The following NREP variants were observed in gnomAD, a reference collection of about 807,000 sequenced individuals.
NREP encodes the protein neuronal regeneration related protein.
Under a neutral mutation model 8.6 loss-of-function variants are expected in NREP, and 5 were observed. The ratio of observed to expected loss-of-function variants is 0.58; its 90% CI spans 0.30 to 1.22. NREP has a LOEUF of 1.22. Among genes scored for constraint, NREP ranks in the 50% most tolerant of loss-of-function variants. The pLI, the probability that NREP is intolerant of heterozygous loss-of-function variation, is 0.07. For synonymous variants in NREP, 27 were observed against 28.0 expected, an observed-to-expected ratio of 0.96 and a Z score of 0.11; for missense variants, 86 against 82.5, an observed-to-expected ratio of 1.04 and a Z score of -0.17.
intron 2 of NREP, among the ~76,000 whole-genome samples, chr5:111,924,731 G>A (rs898992528): frequency 6.6e-6 from 1 of 152,056 alleles, no homozygotes; most frequent in Non-Finnish European, 1.5e-5. Context: ...TCTGGCTTTA[G>A]GGGATATTTT....
At chr5:111,926,424 G>C (rs928497754) in intron 2 of NREP, among the ~76,000 whole-genome samples, 1 of 152,080 alleles carries the variant, frequency 6.6e-6, no homozygotes. Flanking sequence ...TGCATCGCTT[G>C]CAGAGGTCTG....
intron 2 of NREP, among the ~76,000 whole-genome samples, chr5:111,833,584 T>C (rs1389101488): frequency 6.6e-6 from 1 of 152,164 alleles, no homozygotes; most frequent in Non-Finnish European, 1.5e-5. Flanking sequence ...TTTGTAGAGT[T>C]AGTTGGGTTT....
chr5:111,770,816 C>T (rs573497456), intron 2 of NREP, among the ~76,000 whole-genome samples: 2 of 152,004 alleles, frequency 1.3e-5, no homozygotes, highest in African/African-American at 2.4e-5. Context: ...GCCATCCACC[C>T]GCCTCAGCCT....
chr5:111,762,216 G>T (rs1476119145), upstream of NREP, among the ~76,000 whole-genome samples: 1 of 152,132 alleles, frequency 6.6e-6, no homozygotes, highest in Non-Finnish European at 1.5e-5. Context: ...GATGATTCTA[G>T]ATTCTGGCTT....
intron 2 of NREP, among the ~76,000 whole-genome samples, chr5:111,910,855 G>C (rs780806151): frequency 7.9e-5 from 12 of 152,154 alleles, no homozygotes; most frequent in Non-Finnish European, 1.6e-4. Context: ...AGTTATTTCT[G>C]ACTAGTTCAT....
At chr5:111,857,489 C>T (rs1012208042) in intron 2 of NREP, among the ~76,000 whole-genome samples, 2 of 152,178 alleles carry the variant, frequency 1.3e-5, no homozygotes, top group African/African-American at 4.8e-5. Flanking sequence ...ATAAATACTC[C>T]TGAAATCAAA....
chr5:111,875,413 A>C (rs978964196), intron 2 of NREP, among the ~76,000 whole-genome samples: 3 of 152,142 alleles, frequency 2.0e-5, no homozygotes, highest in Non-Finnish European at 2.9e-5. Context: ...ACTTTCCAGA[A>C]ACGTATCAGG....
intron 2 of NREP, among the ~76,000 whole-genome samples, chr5:111,752,352 A>C: frequency 6.6e-6 from 1 of 152,262 alleles, no homozygotes; most frequent in Middle Eastern, 3.4e-3. Context: ...ACGATTCCCA[A>C]TTCTCTCCCT....
chr5:111,747,246 A>C (rs1338728993), intron 2 of NREP, among the ~76,000 whole-genome samples: 6 of 152,186 alleles, frequency 3.9e-5, no homozygotes, highest in South Asian at 2.1e-4. Context: ...GCTGGCAAAG[A>C]AGCAGTATCT....
At position 111,903,213 on chromosome 5, in the gene NREP, T is replaced by G. The variant is rs562379707; in HGVS notation, c.135+72061A>C. Among the ~76,000 whole-genome samples, 5 of 151,588 alleles carry G rather than the reference T, an allele frequency of 3.3e-5. No individual in the cohort carries two copies. The East Asian group carries it at 9.8e-4, about 30-fold the overall frequency. The stretch of plus-strand genomic sequence containing the variant: ...ATTCTTGTGCCTCAGCCTCCCAAAG[T>G]AGTTGGGACTATAGTTGTATGCTAC... On this transcript the variant is annotated intron_variant, in intron 2 of 3. Coordinates refer to the NREP transcript ENST00000395634.
chr5:111,961,196 T>C (rs758319050), intron 2 of NREP, among the ~76,000 whole-genome samples: 1 of 152,214 alleles, frequency 6.6e-6, no homozygotes, highest in Non-Finnish European at 1.5e-5. Flanking sequence ...GTCAGTCCAC[T>C]GATCCATGAG....
chr5:111,866,143 G>A (rs1045081579), intron 2 of NREP, among the ~76,000 whole-genome samples: 1 of 152,040 alleles, frequency 6.6e-6, no homozygotes, highest in East Asian at 1.9e-4. Context: ...AAGCCAAAAT[G>A]GACAAATGGG....
intron 2 of NREP, among the ~76,000 whole-genome samples, chr5:111,870,545 C>T (rs772456066): frequency 1.7e-4 from 26 of 152,132 alleles, no homozygotes; most frequent in Non-Finnish European, 3.4e-4. Flanking sequence ...AAAAGGTCTT[C>T]GGTATGTCTG....
rs535776582 is a variant in NREP, at chr5:111,730,623, G to A, written c.*298C>T. 6.3e-5 allele frequency: 15 copies of A among 237,702 alleles called. No individual in the cohort carries two copies. The highest frequency in any genetic ancestry group is 2.9e-4 in the East Asian group (3 of 10,218). 14.7% of individuals were successfully genotyped at this position (237,702 alleles called of 1,614,324 possible). ...AGGAGTGGACCGGTTGTGTGAGCGC[G>A]GTGGGAGTTTGAGTTGTGGAAGACA... On this transcript the variant is annotated 3_prime_UTR_variant, in exon 4 of 4. Coordinates refer to ENST00000257435, the MANE Select transcript of NREP (RefSeq NM_004772.4).
chr5:111,902,298 G>A (rs10071922), intron 2 of NREP, among the ~76,000 whole-genome samples: 91,170 of 151,878 alleles, frequency 0.6, 27,785 homozygotes, highest in Non-Finnish European at 0.65. Flanking sequence ...AAATCAACTC[G>A]AGATGGATTA....
At chr5:111,906,440 T>C (rs967963350) in intron 2 of NREP, among the ~76,000 whole-genome samples, 1 of 152,136 alleles carries the variant, frequency 6.6e-6, no homozygotes, top group Non-Finnish European at 1.5e-5. Context: ...AATACAATTT[T>C]AAGAATACAG....
chr5:111,966,403 G>A (rs1045236362), intron 2 of NREP, among the ~76,000 whole-genome samples: 6 of 152,066 alleles, frequency 3.9e-5, no homozygotes, highest in South Asian at 2.1e-4. Flanking sequence ...TTTAAAATTA[G>A]GTTATAAATA....
chr5:111,901,865 A>C (rs1035492896), intron 2 of NREP, among the ~76,000 whole-genome samples: 1 of 152,152 alleles, frequency 6.6e-6, no homozygotes, highest in African/African-American at 2.4e-5. Flanking sequence ...TGTTAAAACG[A>C]CTGTACTACT....
intron 2 of NREP, among the ~76,000 whole-genome samples, chr5:111,736,073 T>A (rs1185861141): frequency 1.3e-5 from 2 of 152,138 alleles, no homozygotes; most frequent in African/African-American, 4.8e-5. Flanking sequence ...CAGAGAATAC[T>A]AGCTGATGAA....
Sources: gnomAD v4.1 joint callset for allele counts (sites outside exome capture counted in the v4.1 genomes callset) on GRCh38, gnomAD v4.1.1 for gene constraint, MANE v1.5 for transcripts, NCBI Gene and HGNC (gene_info 2026-07-23, HGNC 2026-07-21) for gene names.